The following GDF6 variants were observed in gnomAD, a reference collection of about 807,000 sequenced individuals.
The protein encoded by GDF6 is growth/differentiation factor 6.
GDF6 carries 3 observed loss-of-function variants against 32.4 expected under a neutral mutation model. That is an observed-to-expected ratio of 0.09 (90% CI 0.04 to 0.24). The LOEUF (loss-of-function observed/expected upper bound fraction) is 0.24, where lower values mean the gene tolerates loss of function less well. GDF6 is among the 10% of genes least tolerant of loss of function. The pLI is 1.00. For synonymous variants in GDF6, 296 were observed against 295.3 expected, an observed-to-expected ratio of 1.00 and a Z score of -0.03; for missense variants, 589 against 637.9, an observed-to-expected ratio of 0.92 and a Z score of 0.83.
At chr8:96,148,242 C>T (rs1202328337) in intron 1 of GDF6, among the ~76,000 whole-genome samples, 1 of 152,226 alleles carries the variant, frequency 6.6e-6, no homozygotes, top group African/African-American at 2.4e-5. Flanking sequence ...GGGGCCTCAC[C>T]TGTGAGCATG....
rs1246577041 is a variant in GDF6, at chr8:96,142,653, T to C, written c.*1910A>G. The stretch of plus-strand genomic sequence containing the variant: ...GCATATAACGTTTTGTACATTAGGA[T>C]GAATTGCATGCTGTCCATTTCCTCT... On this transcript the variant is annotated 3_prime_UTR_variant, in exon 2 of 2. Transcript: ENST00000287020. The C allele has an allele frequency of 6.5e-6, 1 of 152,698 alleles. No individual in the cohort carries two copies. The highest frequency in any genetic ancestry group is 1.5e-5 in the Non-Finnish European group (1 of 68,044). 9.5% of individuals were successfully genotyped at this position (152,698 alleles called of 1,614,324 possible).
At chr8:96,153,968 A>G (rs1031428759) in intron 1 of GDF6, among the ~76,000 whole-genome samples, 2 of 151,942 alleles carry the variant, frequency 1.3e-5, no homozygotes, top group Non-Finnish European at 2.9e-5. Flanking sequence ...TTCCTAGTCA[A>G]TTTCCCTCCA....
chr8:96,145,466 G>A lies in GDF6; in HGVS notation c.465C>T (p.Leu155=), dbSNP rs1812462332. 1.0e-5 allele frequency: 16 copies of A among 1,597,930 alleles called. No homozygotes were observed. The East Asian group carries it at 3.1e-4, about 31-fold the overall frequency. The part of the protein sequence containing the change: ...RQKYLFDVSM[L]SDKEELVGAE... The stretch of plus-strand genomic sequence containing the variant: ...CGCCCACCAGCTCTTCTTTGTCTGA[G>A]AGCATGGACACATCAAACAAATACT... The change falls in exon 2 of 2, where the codon CTC becomes CTT. Residue 155 remains leucine, a synonymous_variant. Transcript: ENST00000287020. The surrounding 1 kb of genome is among the most constrained non-coding windows in gnomAD (Gnocchi z 5.6).
chr8:96,153,100 C>T (rs1418224985), intron 1 of GDF6, among the ~76,000 whole-genome samples: 1 of 152,242 alleles, frequency 6.6e-6, no homozygotes, highest in Non-Finnish European at 1.5e-5. Flanking sequence ...CCCAGGGTGC[C>T]TGTTTCTGAC....
At position 96,144,244 on chromosome 8, in the gene GDF6, T is replaced by A. The variant is rs10626175; in HGVS notation, c.*319A>T. On this transcript the variant is annotated 3_prime_UTR_variant, in exon 2 of 2. Coordinates refer to ENST00000287020, the MANE Select transcript of GDF6 (RefSeq NM_001001557.4). This position sits in a 1 kb window ranked among gnomAD's most constrained non-coding sequence, Gnocchi z 5.1. ...ATAAGGAAATCCAAAGCCACAGTAA[T>A]AGAGAGAGAGAGAGAGAGAGAGAGA... 2 of 217,270 alleles carry A rather than the reference T, an allele frequency of 9.2e-6. No individual in the cohort carries two copies. The highest frequency in any genetic ancestry group is 8.5e-5 in the African/African-American group (2 of 23,494). 13.5% of individuals were successfully genotyped at this position (217,270 alleles called of 1,614,324 possible).
At chr8:96,151,739 C>T (rs1275696016) in intron 1 of GDF6, among the ~76,000 whole-genome samples, 18 of 152,228 alleles carry the variant, frequency 1.2e-4, no homozygotes, top group Admixed American at 1.2e-3. Context: ...ATGCAAATGT[C>T]AGTCACTACT....
At position 96,144,609 on chromosome 8, in the gene GDF6, T is replaced by C. The variant is rs752600101; in HGVS notation, c.1322A>G (p.Tyr441Cys). The change falls in exon 2 of 2, where the codon TAC becomes TGC. Residue 441 changes from tyrosine (Y) to cysteine (C), a missense_variant. Physicochemically the swap from Tyr to Cys is radical, Grantham distance 194. Around this residue, in one of 2 missense-constraint regions of GDF6, gnomAD observed 153 missense variants for 226.7 expected, o/e 0.67. Transcript: ENST00000287020. This position sits in a 1 kb window ranked among gnomAD's most constrained non-coding sequence, Gnocchi z 5.1. ...LYIDAGNNVV[Y>C]KQYEDMVVES... is the part of the protein sequence containing the mutation. ...CACCACCATGTCCTCGTACTGCTTG[T>C]AGACCACATTATTGCCCGCGTCGAT... 90 of 1,613,924 alleles carry C rather than the reference T, an allele frequency of 5.6e-5. No homozygotes were observed. The highest frequency in any genetic ancestry group is 7.2e-5 in the Non-Finnish European group (85 of 1,179,978).
intron 1 of GDF6, among the ~76,000 whole-genome samples, chr8:96,146,351 T>C (rs1302061359): frequency 2.6e-5 from 4 of 151,962 alleles, no homozygotes; most frequent in African/African-American, 9.7e-5. Flanking sequence ...TTTTTTTTTT[T>C]TTAACTCCAA....
chr8:96,144,532 G>A lies in GDF6; in HGVS notation c.*31C>T, dbSNP rs200800110. 1 of 1,610,470 alleles carries A rather than the reference G, an allele frequency of 6.2e-7. No homozygotes were observed. Among genetic ancestry groups the A allele is most frequent in the Admixed American group, 1.7e-5 (1 of 59,610 alleles). On this transcript the variant is annotated 3_prime_UTR_variant, in exon 2 of 2. Coordinates refer to ENST00000287020, the MANE Select transcript of GDF6 (RefSeq NM_001001557.4). This position sits in a 1 kb window ranked among gnomAD's most constrained non-coding sequence, Gnocchi z 5.1. ...GCAAGGCGGACCTTGGCCCACCTTG[G>A]TTCCGGGCCAAGGCGGCGGGAAAGG... is the stretch of plus-strand genomic sequence containing the variant.
At chr8:96,154,373 C>T (rs574762527) in intron 1 of GDF6, among the ~76,000 whole-genome samples, 5 of 152,362 alleles carry the variant, frequency 3.3e-5, no homozygotes, top group African/African-American at 1.2e-4. Context: ...CCCTCAGTCC[C>T]CAGCAATGCT....
At position 96,160,783 on chromosome 8, in the gene GDF6, G is replaced by T; in HGVS notation, c.-91C>A. On this transcript the variant is annotated 5_prime_UTR_variant, in exon 1 of 2. Coordinates refer to ENST00000287020, the MANE Select transcript of GDF6 (RefSeq NM_001001557.4). ...GCGGCTGGACAGCGGCCGGGGCCCGGCTCCTCGGGCGGACTCGGAGTGCGA... is the reference window on the plus strand; with the variant it reads ...GCGGCTGGACAGCGGCCGGGGCCCGTCTCCTCGGGCGGACTCGGAGTGCGA... The T allele has an allele frequency of 7.6e-7, 1 of 1,321,060 alleles. No individual in the cohort carries two copies. The highest frequency in any genetic ancestry group is 1.3e-5 in the South Asian group (1 of 76,448). The allele number at this position is 1,321,060 out of a possible 1,614,324, so 81.8% of individuals were successfully genotyped here.
chr8:96,160,685 G>T lies in GDF6; in HGVS notation c.8C>A (p.Thr3Asn), dbSNP rs1012074147. 1.2e-6 allele frequency: 2 copies of T among 1,613,374 alleles called. No individual in the cohort carries two copies. Among genetic ancestry groups the T allele is most frequent in the African/African-American group, 2.7e-5 (2 of 74,912 alleles). ...GACGGCCGAGAGCAGGACCCTGGGA[G>T]TATCCATGGCGGGCAAGTGGCTGCG... MDTPRVLLSAVFL... is the reference protein window; with the variant it reads MDNPRVLLSAVFL... The change falls in exon 1 of 2, where the codon ACT becomes AAT. Residue 3 changes from threonine (T) to asparagine (N), a missense_variant. This residue lies in a region of GDF6 where 436 missense variants were observed against 411.2 expected (regional missense o/e 1.06). Coordinates refer to ENST00000287020, the MANE Select transcript of GDF6 (RefSeq NM_001001557.4).
chr8:96,158,891 T>G (rs886948276), intron 1 of GDF6, among the ~76,000 whole-genome samples: 1 of 151,626 alleles, frequency 6.6e-6, no homozygotes, highest in Middle Eastern at 3.2e-3. Flanking sequence ...CAGCAGCTCA[T>G]GAACCTCGCT....
intron 1 of GDF6, among the ~76,000 whole-genome samples, chr8:96,147,141 CG>C (rs1563509828): frequency 6.6e-6 from 1 of 152,178 alleles, no homozygotes; most frequent in Non-Finnish European, 1.5e-5. Context: ...AGATGTAGCC[CG>C]GGGGCACTGG....
intron 1 of GDF6, among the ~76,000 whole-genome samples, chr8:96,159,731 G>A: frequency 6.6e-6 from 1 of 152,246 alleles, no homozygotes; most frequent in East Asian, 1.9e-4. Context: ...ATCCCACCCA[G>A]CGCAGGGACC....
rs1052544947 is a variant in GDF6 at position 96,145,789 on chromosome 8, G to A, written c.407-265C>T. Among the ~76,000 whole-genome samples, 2 of 152,174 alleles carry A rather than the reference G, an allele frequency of 1.3e-5. No individual in the cohort carries two copies. Among genetic ancestry groups the A allele is most frequent in the Non-Finnish European group, 2.9e-5 (2 of 68,016 alleles). ...GTCGGTGGCTGCTGGCGAGGCGGCG[G>A]CGGCGGCCTACCGGGTTTTCCCCCC... On this transcript the variant is annotated intron_variant, in intron 1 of 1. Coordinates refer to ENST00000287020, the MANE Select transcript of GDF6 (RefSeq NM_001001557.4). The surrounding 1 kb of genome is among the most constrained non-coding windows in gnomAD (Gnocchi z 5.6).
At chr8:96,158,407 T>C (rs1812706873) in intron 1 of GDF6, among the ~76,000 whole-genome samples, 2 of 152,324 alleles carry the variant, frequency 1.3e-5, no homozygotes, top group Non-Finnish European at 1.5e-5. Context: ...CCAACCCTTG[T>C]CTGAATGCCA....
chr8:96,158,960 G>C (rs1812715479), intron 1 of GDF6, among the ~76,000 whole-genome samples: 1 of 152,068 alleles, frequency 6.6e-6, no homozygotes, highest in South Asian at 2.1e-4. Flanking sequence ...AGTGAGAGGC[G>C]GGGACTGGAG....
intron 1 of GDF6, among the ~76,000 whole-genome samples, chr8:96,149,374 G>C (rs1812532403): frequency 1.3e-5 from 2 of 152,156 alleles, no homozygotes; most frequent in Non-Finnish European, 2.9e-5. Flanking sequence ...CTGAACATTA[G>C]ACATATAAAC....
Sources: allele counts gnomAD v4.1 joint callset (sites outside exome capture counted in the v4.1 genomes callset), GRCh38; gene constraint gnomAD v4.1.1; regional missense constraint gnomAD v4.1.1; non-coding constraint Gnocchi (gnomAD v3.1); transcripts MANE v1.5; gene names NCBI Gene and HGNC (gene_info 2026-07-23, HGNC 2026-07-21).